Variants in SLC2A9 observed in about 807,000 individuals in gnomAD.
SLC2A9 encodes the protein solute carrier family 2 member 9, also known as solute carrier family 2, facilitated glucose transporter member 9.
In SLC2A9, 39 loss-of-function variants were observed where a neutral mutation model predicts 50.6. The ratio of observed to expected loss-of-function variants is 0.77; its 90% CI spans 0.60 to 1.01. The LOEUF (loss-of-function observed/expected upper bound fraction) is 1.01. Ranked by LOEUF, SLC2A9 falls within the 50% of genes least tolerant of loss-of-function variation. SLC2A9 has a pLI of 0.00. For missense variants in SLC2A9, 686 were observed against 677.6 expected (o/e 1.01, Z -0.14); for synonymous variants, 324 against 276.9 (o/e 1.17, Z -1.69).
At chr4:10,017,578 C>T (rs538742990) in intron 2 of SLC2A9, among the ~76,000 whole-genome samples, 121 of 152,330 alleles carry the variant, frequency 7.9e-4, no homozygotes, top group African/African-American at 2.8e-3. Context: ...TGCTTAGATC[C>T]GTGAGGCACC....
intron 10 of SLC2A9, among the ~76,000 whole-genome samples, chr4:9,860,658 C>A (rs1207685827): frequency 6.6e-6 from 1 of 152,258 alleles, no homozygotes; most frequent in African/African-American, 2.4e-5. Context: ...GGACTTCAGG[C>A]CAGCCTGGCT....
intron 10 of SLC2A9, among the ~76,000 whole-genome samples, chr4:9,874,758 A>C (rs1734004709): frequency 6.6e-6 from 1 of 152,208 alleles, no homozygotes; most frequent in Non-Finnish European, 1.5e-5. Flanking sequence ...TTAGTGTCTA[A>C]GGTGGGATGC....
chr4:9,812,691 A>C (rs1229739596), intron 3 of SLC2A9, among the ~76,000 whole-genome samples: 1 of 152,180 alleles, frequency 6.6e-6, no homozygotes, highest in Admixed American at 6.5e-5. Context: ...CAAGAGACAC[A>C]TAGTCATGGA....
chr4:9,913,826 C>T (rs969177765), intron 7 of SLC2A9, among the ~76,000 whole-genome samples: 3 of 152,212 alleles, frequency 2.0e-5, no homozygotes, highest in Non-Finnish European at 2.9e-5. Context: ...ACTTATGAAG[C>T]CATGCTGTCT....
chr4:9,876,702 T>A (rs1734372523), intron 10 of SLC2A9, among the ~76,000 whole-genome samples: 1 of 152,256 alleles, frequency 6.6e-6, no homozygotes, highest in South Asian at 2.1e-4. Flanking sequence ...TATAATAGTT[T>A]AGAGTTCACA....
chr4:9,818,593 A>G (rs1020387513), intron 3 of SLC2A9, among the ~76,000 whole-genome samples: 1 of 152,170 alleles, frequency 6.6e-6, no homozygotes, highest in African/African-American at 2.4e-5. Context: ...TTTTCACTAA[A>G]CTGGCTTAGC....
At chr4:10,001,111 T>C (rs1759714670) in intron 2 of SLC2A9, among the ~76,000 whole-genome samples, 1 of 152,218 alleles carries the variant, frequency 6.6e-6, no homozygotes, top group South Asian at 2.1e-4. Flanking sequence ...CCAATATGAC[T>C]GGTGTCCTTT....
intron 10 of SLC2A9, among the ~76,000 whole-genome samples, chr4:9,851,457 A>G (rs757683856): frequency 6.6e-6 from 1 of 152,238 alleles, no homozygotes; most frequent in Non-Finnish European, 1.5e-5. Flanking sequence ...TTGTAGGATC[A>G]TCAGTCAACA....
intron 3 of SLC2A9, among the ~76,000 whole-genome samples, chr4:9,802,238 G>C (rs1227934944): frequency 6.6e-6 from 1 of 151,706 alleles, no homozygotes; most frequent in African/African-American, 2.4e-5. Context: ...CAGATTAAAG[G>C]GTTTGGGAGA....
At chr4:9,971,259 T>G (rs933317515) in intron 5 of SLC2A9, among the ~76,000 whole-genome samples, 8 of 152,202 alleles carry the variant, frequency 5.3e-5, no homozygotes, top group African/African-American at 1.7e-4. Flanking sequence ...ATTTAATTGG[T>G]TGCTTTTAAA....
chr4:9,814,562 A>G (rs1195610232), intron 3 of SLC2A9, among the ~76,000 whole-genome samples: 1 of 152,102 alleles, frequency 6.6e-6, no homozygotes, highest in African/African-American at 2.4e-5. Flanking sequence ...CTGTGAATTG[A>G]TTGTGTTCTT....
chr4:9,774,533 A>T (rs1331692038), intron 1 of SLC2A9, among the ~76,000 whole-genome samples: 1 of 152,108 alleles, frequency 6.6e-6, no homozygotes, highest in Admixed American at 6.5e-5. Context: ...CCTTGTTCTC[A>T]TGCCACTGCT....
chr4:9,789,290 A>G (rs1719609784), intron 3 of SLC2A9, among the ~76,000 whole-genome samples: 1 of 152,202 alleles, frequency 6.6e-6, no homozygotes, highest in Admixed American at 6.5e-5. Context: ...GTTTATTGTC[A>G]GGGTTATGTG....
chr4:9,833,731 A>T (rs1243167128), intron 11 of SLC2A9, among the ~76,000 whole-genome samples: 3 of 152,164 alleles, frequency 2.0e-5, no homozygotes, highest in African/African-American at 7.2e-5. Flanking sequence ...GCGGACTTAG[A>T]ACTGAGTGTC....
chr4:9,968,355 G>C (rs1320739236), intron 5 of SLC2A9, among the ~76,000 whole-genome samples: 2 of 152,048 alleles, frequency 1.3e-5, no homozygotes, highest in Non-Finnish European at 2.9e-5. Context: ...TTCTTTCCTT[G>C]AGAAGGTACA....
intron 10 of SLC2A9, among the ~76,000 whole-genome samples, chr4:9,872,401 T>C (rs1369482402): frequency 6.6e-6 from 1 of 152,186 alleles, no homozygotes; most frequent in Non-Finnish European, 1.5e-5. Context: ...GGTAAATGCA[T>C]TTTTGAATAA....
chr4:9,820,654 A>G (rs1329286923), intron 3 of SLC2A9, among the ~76,000 whole-genome samples: 1 of 152,174 alleles, frequency 6.6e-6, no homozygotes, highest in African/African-American at 2.4e-5. Context: ...AAAGAACGTA[A>G]ATATGTTTTG....
chr4:9,858,815 A>G (rs1391856400), intron 10 of SLC2A9, among the ~76,000 whole-genome samples: 1 of 152,178 alleles, frequency 6.6e-6, no homozygotes, highest in Non-Finnish European at 1.5e-5. Flanking sequence ...GAGTCAGTGG[A>G]CTGGGAGAGG....
chr4:9,807,695 G>A (rs1722309055), intron 3 of SLC2A9, among the ~76,000 whole-genome samples: 1 of 152,166 alleles, frequency 6.6e-6, no homozygotes, highest in African/African-American at 2.4e-5. Context: ...GAGATACACG[G>A]GCCAGGTTAC....
Sources: allele counts gnomAD v4.1 joint callset (sites outside exome capture counted in the v4.1 genomes callset), GRCh38; gene constraint gnomAD v4.1.1; transcripts MANE v1.5; gene names NCBI Gene and HGNC (gene_info 2026-07-23, HGNC 2026-07-21).